The following CAPN9 variants were observed in gnomAD, a reference collection of about 807,000 sequenced individuals.
CAPN9 encodes the protein calpain-9.
Under a neutral mutation model 92.8 loss-of-function variants are expected in CAPN9, and 81 were observed. The ratio of observed to expected loss-of-function variants is 0.87; its 90% confidence interval spans 0.73 to 1.05. The LOEUF is 1.05. CAPN9 is among the 50% of genes least tolerant of loss of function. The pLI is 0.00. For synonymous variants in CAPN9, 304 were observed against 328.0 expected (o/e 0.93, Z 0.79); for missense variants, 848 against 866.2 (o/e 0.98, Z 0.26).
Position 230,799,484 on chromosome 1 carries a change from T to C in CAPN9, c.2046+1264T>C, listed in dbSNP as rs187912907. Reference sequence around the variant, plus strand: ...ATTTCATTGAGCCAATTACGTATTATTACGGTGAGCCAAATGGGGATACTA... The same window carrying C: ...ATTTCATTGAGCCAATTACGTATTACTACGGTGAGCCAAATGGGGATACTA... On this transcript the variant is annotated intron_variant, in intron 19 of 19. Transcript: ENST00000271971. Among the ~76,000 whole-genome samples, 59 of 152,354 alleles carry C rather than the reference T, an allele frequency of 3.9e-4. 2 individuals carry two copies. Among genetic ancestry groups the C allele is most frequent in the Admixed American group, 3.7e-3 (56 of 15,298 alleles).
At chr1:230,769,104 C>A in intron 5 of CAPN9, 76 bp from the exon 6 acceptor site, 1 of 1,168,574 alleles carries the variant, frequency 8.6e-7, no homozygotes, top group South Asian at 1.3e-5. Context: ...CCGGGCCAGG[C>A]ATGTAGCTGG....
chr1:230,771,735 AT>A (rs923211089), intron 6 of CAPN9, among the ~76,000 whole-genome samples: 6 of 152,188 alleles, frequency 3.9e-5, no homozygotes, highest in African/African-American at 1.4e-4. Flanking sequence ...TTTCTTGTTA[AT>A]TGCAATTCTA....
At chr1:230,769,117 C>A in intron 5 of CAPN9, 63 bp from the exon 6 acceptor site, 3 of 1,347,360 alleles carry the variant, frequency 2.2e-6, no homozygotes, top group South Asian at 1.2e-5. Context: ...GTAGCTGGGT[C>A]TGATCCAGCA....
chr1:230,784,758 C>T (rs1667461381), intron 11 of CAPN9, among the ~76,000 whole-genome samples: 1 of 152,246 alleles, frequency 6.6e-6, no homozygotes, highest in African/African-American at 2.4e-5. Context: ...TAGGGCTATG[C>T]AGATGGGGAA....
intron 12 of CAPN9, 78 bp downstream of exon 12, chr1:230,786,095 T>A: frequency 1.9e-6 from 3 of 1,608,682 alleles, no homozygotes; most frequent in Non-Finnish European, 2.6e-6. Flanking sequence ...CACAGCATCA[T>A]GTAAAACTCT....
chr1:230,786,037 T>C lies in CAPN9; in HGVS notation c.1518+20T>C. The C allele has an allele frequency of 4.3e-6, 7 of 1,612,980 alleles. No individual in the cohort carries two copies. The highest frequency in any genetic ancestry group is 5.9e-6 in the Non-Finnish European group (7 of 1,178,936). On this transcript the variant is annotated intron_variant, in intron 12 of 19. Transcript: ENST00000271971. The stretch of plus-strand genomic sequence containing the variant: ...CCTGAGGTGAGTCTTCTGATGTTGC[T>C]ATGGAGTATGGGATTCAGGTGATGG...
chr1:230,785,943 A>C, intron 11 of CAPN9, 38 bp from the exon 12 acceptor site: 1 of 1,606,230 alleles, frequency 6.2e-7, no homozygotes, highest in Non-Finnish European at 8.5e-7. Flanking sequence ...TGGGAAGTTA[A>C]TCCACAATTG....
rs1019152904 is a variant in CAPN9, at chr1:230,747,449, T to C, written c.-48T>C. 34 of 1,527,466 alleles carry C rather than the reference T, an allele frequency of 2.2e-5. No individual in the cohort carries two copies. In the Admixed American group the frequency reaches 3.5e-4, roughly 16 times the overall value. 94.6% of individuals were successfully genotyped at this position (1,527,466 alleles called of 1,614,324 possible). On this transcript the variant is annotated 5_prime_UTR_variant, in exon 1 of 20. Coordinates refer to ENST00000271971, the MANE Select transcript of CAPN9 (RefSeq NM_006615.3). ...GCACACACAGCTCGCTTCTTCACTT[T>C]CTTTTCCATCCACTGCCGGACCCAA...
intron 2 of CAPN9, 120 bp downstream of exon 2, chr1:230,755,526 T>A: frequency 1.5e-6 from 1 of 682,258 alleles, no homozygotes; most frequent in Non-Finnish European, 2.5e-6. Flanking sequence ...CAACACTGCT[T>A]CGGCCTCTGC....
chr1:230,769,138 G>T, intron 5 of CAPN9, 42 bp from the exon 6 acceptor site: 1 of 1,526,340 alleles, frequency 6.6e-7, no homozygotes, highest in South Asian at 1.1e-5. Context: ...GGGGAGGCTT[G>T]ACTTAGACGG....
chr1:230,781,494 T>A (rs1015118514), intron 11 of CAPN9, among the ~76,000 whole-genome samples: 3 of 152,214 alleles, frequency 2.0e-5, no homozygotes, highest in African/African-American at 7.2e-5. Context: ...ATACCCAATA[T>A]TCCACCACAT....
intron 19 of CAPN9, among the ~76,000 whole-genome samples, chr1:230,800,220 TAAGAAAGAAAGAAGA>T (rs1668592571): frequency 4.3e-5 from 1 of 23,140 alleles, no homozygotes; most frequent in East Asian, 7.6e-4. Context: ...GAAAGAAAAA[TAAGAAAGAAAGAAGA>T]AAGAAAGAAA....
chr1:230,769,083 G>GGAGGTTGT (rs1199707798), intron 5 of CAPN9, 97 bp from the exon 6 acceptor site: 11 of 927,972 alleles, frequency 1.2e-5, no homozygotes, highest in Non-Finnish European at 1.9e-5. Context: ...AGAAGGGGCT[G>GGAGGTTGT]GAGGTTGTGA....
In CAPN9 at chr1:230,762,778, C is replaced by T. The variant is rs1665726342; in HGVS notation, c.528C>T (p.Ala176=). The T allele has an allele frequency of 1.9e-6, 3 of 1,613,850 alleles. No homozygotes were observed. Among genetic ancestry groups the T allele is most frequent in the Non-Finnish European group, 2.5e-6 (3 of 1,179,934 alleles). Residue 176 remains alanine, a synonymous_variant, in exon 4 of 20, where the codon GCC becomes GCT. Coordinates refer to ENST00000271971, the MANE Select transcript of CAPN9 (RefSeq NM_006615.3). ...TCTGGAGCGCCTTGCTGGAAAAAGCCTACGCCAAGTGAGTGACAGCTTCCC... is the reference window on the plus strand; with the variant it reads ...TCTGGAGCGCCTTGCTGGAAAAAGCTTACGCCAAGTGAGTGACAGCTTCCC... ...NEFWSALLEK[A]YAKLNGSYEA...
chr1:230,789,339 G>C (rs1020340340), intron 13 of CAPN9, among the ~76,000 whole-genome samples: 9 of 152,002 alleles, frequency 5.9e-5, no homozygotes, highest in Admixed American at 5.2e-4. Flanking sequence ...CCAGCATGGT[G>C]GTGCATGCCT....
intron 1 of CAPN9, among the ~76,000 whole-genome samples, chr1:230,753,264 CCTTA>C (rs1664967159): frequency 6.6e-6 from 1 of 152,282 alleles, no homozygotes; most frequent in East Asian, 1.9e-4. Context: ...TTTGGGAGGT[CCTTA>C]CTTCTGCCGG....
Position 230,778,996 on chromosome 1 carries a change from C to T in CAPN9, c.977C>T (p.Ala326Val). The T allele has an allele frequency of 6.2e-7, 1 of 1,613,724 alleles. No individual in the cohort carries two copies. The highest frequency in any genetic ancestry group is 1.7e-5 in the Admixed American group (1 of 59,990). Residue 326 changes from alanine to valine, a missense_variant, in exon 9 of 20, where the codon GCC becomes GTC. Ala to Val is a moderately conservative substitution (Grantham distance 64). Transcript: ENST00000271971. ...EFWMAFKDFKAHFDKVEICNL... is the reference protein window; with the variant it reads ...EFWMAFKDFKVHFDKVEICNL... Reference sequence around the variant, plus strand: ...AGGATGGCATTTAAGGACTTCAAGGCCCACTTTGATAAAGTGGAGATCTGC... The same window carrying T: ...AGGATGGCATTTAAGGACTTCAAGGTCCACTTTGATAAAGTGGAGATCTGC...
intron 19 of CAPN9, among the ~76,000 whole-genome samples, chr1:230,799,804 G>A (rs1001098826): frequency 5.3e-5 from 8 of 152,096 alleles, no homozygotes; most frequent in Admixed American, 2.0e-4. Flanking sequence ...AGGCCTAGGC[G>A]GGAGGATTGC....
At position 230,790,194 on chromosome 1, in the gene CAPN9, G is replaced by A; in HGVS notation, c.1657+5G>A. The A allele has an allele frequency of 6.2e-7, 1 of 1,614,074 alleles. No homozygotes were observed. The highest frequency in any genetic ancestry group is 1.1e-5 in the South Asian group (1 of 91,046). The stretch of plus-strand genomic sequence containing the variant: ...TAAATGCTGTGCTGCAAAAGAGTAA[G>A]TGCCAACCCCATCGGGGTCCTGGGG... On this transcript the variant is annotated splice_donor_5th_base_variant and intron_variant, in intron 14 of 19. Transcript: ENST00000271971.
Sources: allele counts gnomAD v4.1 joint callset (sites outside exome capture counted in the v4.1 genomes callset), GRCh38; gene constraint gnomAD v4.1.1; transcripts MANE v1.5; gene names NCBI Gene and HGNC (gene_info 2026-07-23, HGNC 2026-07-21).